The following WARS1 variants were observed in gnomAD, a reference collection of about 807,000 sequenced individuals.
The protein encoded by WARS1 is tryptophanyl-tRNA synthetase 1.
A neutral mutation model predicts 47.8 loss-of-function variants in WARS1; 17 were observed. The observed-to-expected ratio is 0.36, with a 90% CI of 0.24 to 0.53. The LOEUF (loss-of-function observed/expected upper bound fraction) is 0.53, where lower values mean the gene tolerates loss of function less well. WARS1 is among the 20% of genes least tolerant of loss of function. WARS1 has a pLI of 0.91. For synonymous variants in WARS1, 208 were observed against 228.1 expected, an observed-to-expected ratio of 0.91 and a Z score of 0.79; for missense variants, 434 against 608.0, an observed-to-expected ratio of 0.71 and a Z score of 3.01.
At position 100,361,933 on chromosome 14, in the gene WARS1, A is replaced by G; in HGVS notation, c.100-12T>C. The G allele has an allele frequency of 6.2e-7, 1 of 1,613,418 alleles. No individual in the cohort carries two copies. The highest frequency in any genetic ancestry group is 8.5e-7 in the Non-Finnish European group (1 of 1,179,466). On this transcript the variant is annotated splice_polypyrimidine_tract_variant and intron_variant, in intron 2 of 10. Transcript: ENST00000392882. ...GAATCAATTTCATCCTGAGAGAGGA[A>G]ATAAAAGGGATGGCTAAAAGTATTA...
chr14:100,356,384 T>G (rs200103097), intron 4 of WARS1, among the ~76,000 whole-genome samples: 13 of 13,880 alleles, frequency 9.4e-4, no homozygotes, highest in East Asian at 0.021. Flanking sequence ...AGTGACTGGG[T>G]GTGTGTGTGT....
chr14:100,373,297 G>A lies in WARS1; in HGVS notation c.-74+1986C>T, dbSNP rs1257613691. ...GACTTTAGATGGCCTCTTGTTTAAC[G>A]TCCTGGTACTGAGTTGAGCTTTCCC... On this transcript the variant is annotated intron_variant, in intron 1 of 10. Coordinates refer to ENST00000392882, the MANE Select transcript of WARS1 (RefSeq NM_004184.4). This position sits in a 1 kb window ranked among gnomAD's most constrained non-coding sequence, Gnocchi z 4.4. 6.6e-6 allele frequency among the ~76,000 whole-genome samples: 1 copy of A among 152,090 alleles called. No individual in the cohort carries two copies. Among genetic ancestry groups the A allele is most frequent in the African/African-American group, 2.4e-5 (1 of 41,404 alleles).
Position 100,361,930 on chromosome 14 carries a change from G to A in WARS1, c.100-9C>T, listed in dbSNP as rs1264464150. The A allele has an allele frequency of 6.2e-6, 10 of 1,613,070 alleles. No individual in the cohort carries two copies. The highest frequency in any genetic ancestry group is 8.5e-6 in the Non-Finnish European group (10 of 1,179,242). On this transcript the variant is annotated splice_polypyrimidine_tract_variant and intron_variant, in intron 2 of 10. Coordinates refer to ENST00000392882, the MANE Select transcript of WARS1 (RefSeq NM_004184.4). ...GCAGAATCAATTTCATCCTGAGAGA[G>A]GAAATAAAAGGGATGGCTAAAAGTA... is the stretch of plus-strand genomic sequence containing the variant.
chr14:100,340,795 G>A (rs1393746893), intron 9 of WARS1, among the ~76,000 whole-genome samples: 6 of 152,180 alleles, frequency 3.9e-5, no homozygotes, highest in Non-Finnish European at 7.3e-5. Flanking sequence ...CAGGCCCAGT[G>A]ACCGTCTGTA....
intron 1 of WARS1, among the ~76,000 whole-genome samples, chr14:100,371,276 C>A (rs543097656): frequency 4.7e-5 from 7 of 150,466 alleles, no homozygotes; most frequent in Non-Finnish European, 8.9e-5. Context: ...GGTGAAACCC[C>A]GTCTCAACTA....
At chr14:100,344,507 C>T (rs1420649932) in intron 7 of WARS1, among the ~76,000 whole-genome samples, 11 of 152,314 alleles carry the variant, frequency 7.2e-5, no homozygotes, top group African/African-American at 9.6e-5. Flanking sequence ...GCCGCCACCC[C>T]GTCTGGGAAG....
At position 100,337,273 on chromosome 14, in the gene WARS1, C is replaced by T. The variant is rs1408914032; in HGVS notation, c.1114-71G>A. ...CTGTGCCTGGACACTGGCTAGAAGCCCAAGTGTGGAAGTCAGAGGTGTGAG... is the reference window on the plus strand; with the variant it reads ...CTGTGCCTGGACACTGGCTAGAAGCTCAAGTGTGGAAGTCAGAGGTGTGAG... On this transcript the variant is annotated intron_variant, in intron 9 of 10. Transcript: ENST00000392882. 3.8e-6 allele frequency: 6 copies of T among 1,575,700 alleles called. No homozygotes were observed. The East Asian group carries it at 9.1e-5, about 24-fold the overall frequency.
rs756239721 is a variant in WARS1 at position 100,369,209 on chromosome 14, G to A, written c.-24C>T. 17 of 1,222,806 alleles carry A rather than the reference G, an allele frequency of 1.4e-5. No homozygotes were observed. Among genetic ancestry groups the A allele is most frequent in the Middle Eastern group, 2.3e-4 (1 of 4,302 alleles). The allele number at this position is 1,222,806 out of a possible 1,614,324, so 75.7% of individuals were successfully genotyped here. On this transcript the variant is annotated 5_prime_UTR_variant, in exon 2 of 11. The change creates a new upstream start codon in the 5' untranslated region. Transcript: ENST00000392882. ...ATGTTTGCTATCTCTCAGGAACTAC[G>A]TTCACAGCCGGCCTGAGGTCAGAGG...
At chr14:100,356,392 T>TG (rs1243902519) in intron 4 of WARS1, among the ~76,000 whole-genome samples, 8 of 71,238 alleles carry the variant, frequency 1.1e-4, no homozygotes, top group East Asian at 3.4e-4. Flanking sequence ...GGTGTGTGTG[T>TG]GTGTGTGGGG....
chr14:100,348,489 A>G (rs1894770248), intron 6 of WARS1, among the ~76,000 whole-genome samples: 1 of 152,212 alleles, frequency 6.6e-6, no homozygotes, highest in Non-Finnish European at 1.5e-5. Flanking sequence ...GCATGCCAGG[A>G]GAACCCAGCA....
chr14:100,350,906 A>G lies in WARS1; in HGVS notation c.725+2781T>C, dbSNP rs528882274. On this transcript the variant is annotated intron_variant, in intron 6 of 10. Coordinates refer to ENST00000392882, the MANE Select transcript of WARS1 (RefSeq NM_004184.4). ...TGATGCTTGATCATGCCTTTGGAAG[A>G]AAGTGTAGGAATTAGCTAAGCTGGG... 9.2e-5 allele frequency among the ~76,000 whole-genome samples: 14 copies of G among 152,270 alleles called. No individual in the cohort carries two copies. The South Asian group carries it at 1.9e-3, about 20-fold the overall frequency.
chr14:100,359,589 T>A (rs552995988), intron 4 of WARS1, among the ~76,000 whole-genome samples: 1 of 152,188 alleles, frequency 6.6e-6, no homozygotes, highest in South Asian at 2.1e-4. Context: ...GTTATTGATA[T>A]CTTACTGCTC....
At position 100,343,264 on chromosome 14, in the gene WARS1, T is replaced by C. The variant is rs1425711452; in HGVS notation, c.939+11A>G. The C allele has an allele frequency of 6.2e-7, 1 of 1,600,754 alleles. No individual in the cohort carries two copies. Among genetic ancestry groups the C allele is most frequent in the South Asian group, 1.1e-5 (1 of 89,256 alleles). On this transcript the variant is annotated intron_variant, in intron 8 of 10. Transcript: ENST00000392882. The stretch of plus-strand genomic sequence containing the variant: ...CCAGACTTAGAGAGCCTTGCTTTTC[T>C]GCCTGCTGACCTGGTCAATGGCACA...
Position 100,335,025 on chromosome 14 carries a change from G to A in WARS1, c.1266C>T (p.Ser422=), listed in dbSNP as rs775527812. ...KLEQIRKDYT[S]GAMLTGELKK... is the part of the protein sequence containing the mutation. ...TGAGCTCACCGGTGAGCATGGCTCC[G>A]CTGGTGTAATCCTGCCCGGAGGGAG... The change falls in exon 11 of 11, where the codon AGC becomes AGT. Residue 422 remains serine (S), a synonymous_variant. Coordinates refer to ENST00000392882, the MANE Select transcript of WARS1 (RefSeq NM_004184.4). 1.8e-5 allele frequency: 29 copies of A among 1,613,702 alleles called. No homozygotes were observed. The East Asian group carries it at 4.2e-4, about 24-fold the overall frequency.
intron 4 of WARS1, 23 bp from the exon 5 acceptor site, chr14:100,354,589 A>G (rs972163914): frequency 6.3e-7 from 1 of 1,586,766 alleles, no homozygotes; most frequent in Non-Finnish European, 8.6e-7. Flanking sequence ...GGAGAAGAGG[A>G]AGAGTGTGAT....
At chr14:100,338,131 G>A (rs764160777) in intron 9 of WARS1, among the ~76,000 whole-genome samples, 25 of 152,134 alleles carry the variant, frequency 1.6e-4, no homozygotes, top group Non-Finnish European at 3.5e-4. Flanking sequence ...CACTGTCAGA[G>A]CTGAAAAACT....
chr14:100,376,093 G>C (rs1896643094), upstream of WARS1: 1 of 161,284 alleles, frequency 6.2e-6, no homozygotes, highest in African/African-American at 2.4e-5. Context: ...AGGGGCGAGG[G>C]GTCGGTGGCA....
chr14:100,367,622 A>AG (rs1896083384), intron 2 of WARS1, among the ~76,000 whole-genome samples: 1 of 151,390 alleles, frequency 6.6e-6, no homozygotes, highest in Admixed American at 6.6e-5. Flanking sequence ...AAAAAAAAAA[A>AG]AAAAAAAAAG....
intron 6 of WARS1, among the ~76,000 whole-genome samples, chr14:100,349,012 G>C (rs1894805295): frequency 6.6e-6 from 1 of 152,214 alleles, no homozygotes; most frequent in Non-Finnish European, 1.5e-5. Flanking sequence ...AGCCATGCCA[G>C]TGCCGGCACA....
Sources: gnomAD v4.1 joint callset for allele counts (sites outside exome capture counted in the v4.1 genomes callset) on GRCh38, gnomAD v4.1.1 for gene constraint, Gnocchi (gnomAD v3.1) non-coding constraint, MANE v1.5 for transcripts, NCBI Gene and HGNC (gene_info 2026-07-23, HGNC 2026-07-21) for gene names.